ZMAT4: variants seen among roughly 807,000 people sequenced by gnomAD.
The protein encoded by ZMAT4 is zinc finger matrin-type protein 4.
In ZMAT4, 17 loss-of-function variants were observed where a neutral mutation model predicts 28.7. The observed-to-expected ratio is 0.59, with a 90% confidence interval of 0.41 to 0.89. ZMAT4 has a LOEUF of 0.89. Among genes scored for constraint, ZMAT4 ranks in the 40% least tolerant of loss-of-function variants. ZMAT4 has a pLI of 0.00. For missense variants in ZMAT4, 240 were observed against 283.8 expected (o/e 0.85, Z 1.11); for synonymous variants, 117 against 109.2 (o/e 1.07, Z -0.44).
At chr8:40,537,516 T>C (rs1223409517) in intron 6 of ZMAT4, among the ~76,000 whole-genome samples, 1 of 152,182 alleles carries the variant, frequency 6.6e-6, no homozygotes, top group Non-Finnish European at 1.5e-5. Flanking sequence ...ATAAGAACGA[T>C]TTGTAATTGA....
chr8:40,876,067 T>C (rs1199671894), intron 1 of ZMAT4, among the ~76,000 whole-genome samples: 3 of 152,034 alleles, frequency 2.0e-5, no homozygotes, highest in African/African-American at 4.8e-5. Context: ...AATCTGAAAA[T>C]AATGTGAATT....
intron 5 of ZMAT4, among the ~76,000 whole-genome samples, chr8:40,584,352 A>G (rs1804592175): frequency 6.6e-6 from 1 of 152,162 alleles, no homozygotes; most frequent in Admixed American, 6.5e-5. Flanking sequence ...GAAGCCTCCC[A>G]CACCCTCTTT....
rs188025404 is a variant in ZMAT4 at position 40,852,793 on chromosome 8, A to G, written c.-4-27113T>C. The stretch of plus-strand genomic sequence containing the variant: ...TTATGTAGATCTTCCAAATGTTGAT[A>G]CATTTCATTATATAATACCCAAAAA... On this transcript the variant is annotated intron_variant, in intron 1 of 6. Transcript: ENST00000297737. 3.6e-4 allele frequency among the ~76,000 whole-genome samples: 55 copies of G among 152,330 alleles called. No homozygotes were observed. The East Asian group carries it at 9.2e-3, about 26-fold the overall frequency.
At chr8:40,704,373 T>A (rs1034064722) in intron 3 of ZMAT4, among the ~76,000 whole-genome samples, 1 of 152,186 alleles carries the variant, frequency 6.6e-6, no homozygotes, top group Non-Finnish European at 1.5e-5. Flanking sequence ...TGGGTCAAGC[T>A]GTTCTCTCTC....
intron 6 of ZMAT4, among the ~76,000 whole-genome samples, chr8:40,570,983 A>T (rs566939518): frequency 1.3e-5 from 2 of 152,272 alleles, no homozygotes; most frequent in Admixed American, 1.3e-4. Flanking sequence ...TCGTAAGAAC[A>T]TGAGAGGTAT....
chr8:40,669,184 T>C (rs548371429), intron 5 of ZMAT4, among the ~76,000 whole-genome samples: 1 of 152,122 alleles, frequency 6.6e-6, no homozygotes, highest in Admixed American at 6.5e-5. Context: ...TCTGAGCCAG[T>C]GCCAGATGAC....
At chr8:40,538,967 G>C in intron 6 of ZMAT4, among the ~76,000 whole-genome samples, 1 of 151,966 alleles carries the variant, frequency 6.6e-6, no homozygotes, top group South Asian at 2.1e-4. Flanking sequence ...TGTAGTTTTA[G>C]TACAGACGGG....
chr8:40,630,257 C>T (rs1443117108), intron 5 of ZMAT4, among the ~76,000 whole-genome samples: 1 of 152,146 alleles, frequency 6.6e-6, no homozygotes, highest in African/African-American at 2.4e-5. Flanking sequence ...TTGTATACTT[C>T]AAATGTCTCT....
At chr8:40,791,804 T>C (rs1018141230) in intron 2 of ZMAT4, among the ~76,000 whole-genome samples, 2 of 152,326 alleles carry the variant, frequency 1.3e-5, no homozygotes, top group Non-Finnish European at 2.9e-5. Context: ...CTCTCCCTTA[T>C]AGCCCACAGA....
chr8:40,761,147 A>G (rs1563465851), intron 3 of ZMAT4, among the ~76,000 whole-genome samples: 1 of 152,212 alleles, frequency 6.6e-6, no homozygotes, highest in African/African-American at 2.4e-5. Flanking sequence ...TCATAATTAT[A>G]TCCACAAACA....
intron 5 of ZMAT4, among the ~76,000 whole-genome samples, chr8:40,602,095 A>G (rs1389977637): frequency 6.6e-6 from 1 of 152,198 alleles, no homozygotes; most frequent in Non-Finnish European, 1.5e-5. Context: ...GCTCTCACTT[A>G]GGAGTGAGAA....
At chr8:40,743,871 C>T (rs1244315139) in intron 3 of ZMAT4, among the ~76,000 whole-genome samples, 2 of 152,088 alleles carry the variant, frequency 1.3e-5, no homozygotes, top group African/African-American at 4.8e-5. Flanking sequence ...CCACAGATCA[C>T]GGTGGCCTTC....
intron 5 of ZMAT4, among the ~76,000 whole-genome samples, chr8:40,607,448 T>C (rs1009440221): frequency 3.3e-5 from 5 of 152,110 alleles, no homozygotes; most frequent in African/African-American, 1.2e-4. Context: ...GTATCCTTTT[T>C]AAAATTATTT....
At chr8:40,541,111 T>C (rs1434421909) in intron 6 of ZMAT4, among the ~76,000 whole-genome samples, 1 of 152,222 alleles carries the variant, frequency 6.6e-6, no homozygotes, top group South Asian at 2.1e-4. Flanking sequence ...AATTAATATA[T>C]GGAAGTATTA....
At chr8:40,806,499 C>G (rs556413570) in intron 2 of ZMAT4, among the ~76,000 whole-genome samples, 1 of 152,284 alleles carries the variant, frequency 6.6e-6, no homozygotes, top group East Asian at 1.9e-4. Flanking sequence ...CAGAGCTTTG[C>G]TCTGTATACG....
intron 6 of ZMAT4, among the ~76,000 whole-genome samples, chr8:40,568,031 G>C (rs940843479): frequency 6.6e-6 from 1 of 152,000 alleles, no homozygotes; most frequent in Non-Finnish European, 1.5e-5. Context: ...AAATCAAAAT[G>C]GTAAAGAAAT....
At chr8:40,733,954 A>G (rs1811649221) in intron 3 of ZMAT4, among the ~76,000 whole-genome samples, 3 of 152,166 alleles carry the variant, frequency 2.0e-5, no homozygotes, top group African/African-American at 7.2e-5. Context: ...ATCTGTAAAA[A>G]CAAGATACTA....
At chr8:40,881,389 A>C (rs564996003) in intron 1 of ZMAT4, among the ~76,000 whole-genome samples, 2 of 150,386 alleles carry the variant, frequency 1.3e-5, no homozygotes, top group East Asian at 3.9e-4. Context: ...CTCTGTCAAA[A>C]GAAAGAAAGA....
rs562097185 is a variant in ZMAT4 at position 40,703,246 on chromosome 8, A to T, written c.193-5845T>A. ...TGTATTTCATTCAAGAGAAATAAAA[A>T]TATATGTCCACATAAAAATTTTTAC... On this transcript the variant is annotated intron_variant, in intron 3 of 6. Transcript: ENST00000297737. Among the ~76,000 whole-genome samples, 7 of 152,208 alleles carry T rather than the reference A, an allele frequency of 4.6e-5. 1 individual carries two copies. The South Asian group carries it at 1.2e-3, about 27-fold the overall frequency.
Sources: allele counts gnomAD v4.1 joint callset (sites outside exome capture counted in the v4.1 genomes callset), GRCh38; gene constraint gnomAD v4.1.1; transcripts MANE v1.5; gene names NCBI Gene and HGNC (gene_info 2026-07-23, HGNC 2026-07-21).